Variants in TMEM128 observed in about 807,000 individuals in gnomAD.
TMEM128 encodes the protein transmembrane protein 128.
TMEM128 carries 16 observed loss-of-function variants against 19.7 expected under a neutral mutation model. The observed-to-expected ratio is 0.81, with a 90% confidence interval of 0.55 to 1.23. The LOEUF (loss-of-function observed/expected upper bound fraction) is 1.23. Ranked by LOEUF, TMEM128 falls within the 50% of genes most tolerant of loss-of-function variation. The probability of loss-of-function intolerance (pLI) is 0.00; values close to 1 mark genes in which losing one functional copy is unlikely to be tolerated. For synonymous variants in TMEM128, 98 were observed against 75.8 expected (o/e 1.29, Z -1.52); for missense variants, 237 against 200.8 (o/e 1.18, Z -1.09).
chr4:4,243,972 C>T (rs538156597), intron 2 of TMEM128, among the ~76,000 whole-genome samples: 1 of 152,284 alleles, frequency 6.6e-6, no homozygotes, highest in African/African-American at 2.4e-5. Context: ...ACTAGATATC[C>T]CTCCTAGATG....
intron 1 of TMEM128, 161 bp downstream of exon 1, chr4:4,247,945 T>C (rs895689154): frequency 1.4e-6 from 2 of 1,433,606 alleles, no homozygotes; most frequent in South Asian, 3.0e-5. Flanking sequence ...GAAATGACGA[T>C]GCACAGCACT....
chr4:4,238,297 A>C (rs1717806853), intron 3 of TMEM128, among the ~76,000 whole-genome samples: 1 of 152,236 alleles, frequency 6.6e-6, no homozygotes. Context: ...GGTAAAAAAG[A>C]CCAAAATATT....
At chr4:4,247,539 C>G in intron 1 of TMEM128, 1 of 1,612,642 alleles carries the variant, frequency 6.2e-7, no homozygotes, top group Non-Finnish European at 8.5e-7. Context: ...CCACCACTTA[C>G]AATTTCTACT....
At chr4:4,247,935 G>C in intron 1 of TMEM128, 171 bp downstream of exon 1, 1 of 1,430,488 alleles carries the variant, frequency 7.0e-7, no homozygotes, top group Non-Finnish European at 9.1e-7. Flanking sequence ...AAGCGCAGCT[G>C]AAATGACGAT....
At chr4:4,242,404 C>A (rs1342596960) in intron 2 of TMEM128, among the ~76,000 whole-genome samples, 2 of 151,900 alleles carry the variant, frequency 1.3e-5, no homozygotes, top group African/African-American at 4.8e-5. Context: ...TTATCTAATT[C>A]CACATTCCAC....
intron 4 of TMEM128, among the ~76,000 whole-genome samples, chr4:4,236,732 T>G (rs1252348143): frequency 6.6e-6 from 1 of 152,246 alleles, no homozygotes; most frequent in Non-Finnish European, 1.5e-5. Context: ...AGTATGTCCA[T>G]TTCTTCTTTA....
rs1718264898 is a variant in TMEM128, at chr4:4,247,982, A to G, written c.97+124T>C. On this transcript the variant is annotated intron_variant, in intron 1 of 4. Transcript: ENST00000382753. ...CGCGATTCTAAGGATCTTCCCTGACATTAAATATTCGACTTGCAAAGCCGA... is the reference window on the plus strand; with the variant it reads ...CGCGATTCTAAGGATCTTCCCTGACGTTAAATATTCGACTTGCAAAGCCGA... 163 of 1,454,284 alleles carry G rather than the reference A, an allele frequency of 1.1e-4. 3 individuals carry two copies. The South Asian group carries it at 2.1e-3, about 19-fold the overall frequency. 90.1% of individuals were successfully genotyped at this position (1,454,284 alleles called of 1,614,324 possible). A position where few individuals can be genotyped will look rare whatever the true frequency, so the allele number is the denominator to read the frequency against.
At position 4,235,783 on chromosome 4, in the gene TMEM128, A is replaced by T. The variant is rs547241845; in HGVS notation, c.*483T>A. ...ACATGACAACATAATTCCTTTATAC[A>T]CATCCAGTCATTTTATACAAGGAAC... is the stretch of plus-strand genomic sequence containing the variant. On this transcript the variant is annotated 3_prime_UTR_variant, in exon 5 of 5. Coordinates refer to ENST00000382753, the MANE Select transcript of TMEM128 (RefSeq NM_001297551.2). 33 of 152,690 alleles carry T rather than the reference A, an allele frequency of 2.2e-4. No individual in the cohort carries two copies. The highest frequency in any genetic ancestry group is 5.2e-4 in the Admixed American group (8 of 15,282). 9.5% of individuals were successfully genotyped at this position (152,690 alleles called of 1,614,324 possible).
chr4:4,239,539 T>C (rs1717859786), intron 3 of TMEM128, among the ~76,000 whole-genome samples: 1 of 152,220 alleles, frequency 6.6e-6, no homozygotes, highest in African/African-American at 2.4e-5. Context: ...GGTACATATA[T>C]ATACATATAT....
At chr4:4,244,800 T>A (rs1351431564) in intron 2 of TMEM128, among the ~76,000 whole-genome samples, 1 of 152,082 alleles carries the variant, frequency 6.6e-6, no homozygotes, top group Admixed American at 6.6e-5. Context: ...CAGAAGAAGG[T>A]GCTGAGCTAC....
At chr4:4,247,675 C>A (rs1239291653) in intron 1 of TMEM128, 3 of 1,613,890 alleles carry the variant, frequency 1.9e-6, no homozygotes, top group Middle Eastern at 1.7e-4. Flanking sequence ...TTGGTACATA[C>A]GAGTCGACCT....
intron 2 of TMEM128, among the ~76,000 whole-genome samples, chr4:4,243,108 C>T (rs1212431339): frequency 6.6e-6 from 1 of 152,016 alleles, no homozygotes; most frequent in African/African-American, 2.4e-5. Context: ...AAGACGGAGT[C>T]TCGCTCTGTC....
chr4:4,246,217 T>C lies in TMEM128; in HGVS notation c.224A>G (p.Asn75Ser). The stretch of plus-strand genomic sequence containing the variant: ...ATTTTCTTACCTGCTAGTGTGGAAG[T>C]TTTCTTTAAGGGTTTTAAAGAAGTC... ...YVDFFKTLKE[N>S]FHTSSWFLCG... Residue 75 changes from asparagine (N) to serine (S), a missense_variant, in exon 2 of 5, where the codon AAC becomes AGC. Transcript: ENST00000382753. 1 of 1,597,906 alleles carries C rather than the reference T, an allele frequency of 6.3e-7. No homozygotes were observed. The highest frequency in any genetic ancestry group is 1.2e-5 in the South Asian group (1 of 86,692).
chr4:4,245,811 T>A (rs1246765229), intron 2 of TMEM128, among the ~76,000 whole-genome samples: 26 of 152,164 alleles, frequency 1.7e-4, no homozygotes, highest in Non-Finnish European at 1.5e-5. Flanking sequence ...AATATATATA[T>A]ACGTGTATAC....
At chr4:4,243,022 C>T (rs1437290044) in intron 2 of TMEM128, among the ~76,000 whole-genome samples, 13 of 152,004 alleles carry the variant, frequency 8.6e-5, no homozygotes, top group Admixed American at 7.9e-4. Flanking sequence ...GCACACAAGC[C>T]GAGTATTTTA....
At chr4:4,243,172 T>C (rs1718030411) in intron 2 of TMEM128, among the ~76,000 whole-genome samples, 1 of 152,124 alleles carries the variant, frequency 6.6e-6, no homozygotes, top group Admixed American at 6.5e-5. Context: ...CTCCACCTGC[T>C]GGGTTCACGC....
chr4:4,247,309 G>A (rs1429901705), intron 1 of TMEM128, among the ~76,000 whole-genome samples: 3 of 152,118 alleles, frequency 2.0e-5, no homozygotes, highest in African/African-American at 7.2e-5. Flanking sequence ...CTGAGGTTTT[G>A]GGCCTTTAGA....
rs760115356 is a variant in TMEM128, at chr4:4,246,318, C to G, written c.123G>C (p.Lys41Asn). The change falls in exon 2 of 5, where the codon AAG (lysine) becomes AAC (asparagine). Residue 41 changes from lysine (K) to asparagine (N), a missense_variant. Coordinates refer to ENST00000382753, the MANE Select transcript of TMEM128 (RefSeq NM_001297551.2). ...TATTAAGTCTTGGAAGAGGTTTCTC[C>G]TTTTTCTCAACAGCTGTGGAGGTTT... ...GPETSTAVEK[K>N]EKPLPRLNIH... The G allele has an allele frequency of 6.2e-7, 1 of 1,610,222 alleles. No individual in the cohort carries two copies. The highest frequency in any genetic ancestry group is 8.5e-7 in the Non-Finnish European group (1 of 1,179,010).
Position 4,240,692 on chromosome 4 carries a change from T to A in TMEM128, c.240-213A>T, listed in dbSNP as rs540059888. On this transcript the variant is annotated intron_variant, in intron 2 of 4. Transcript: ENST00000382753. ...ACACAACTCAGGAAAGAATGAAAAGTAAGACTTGAAATACATGCATTTATA... is the reference window on the plus strand; with the variant it reads ...ACACAACTCAGGAAAGAATGAAAAGAAAGACTTGAAATACATGCATTTATA... Among the ~76,000 whole-genome samples the A allele has an allele frequency of 2.0e-5, 3 of 152,318 alleles. No individual in the cohort carries two copies. In the South Asian group the frequency reaches 6.2e-4, roughly 32 times the overall value.
Sources: gnomAD v4.1 joint callset for allele counts (sites outside exome capture counted in the v4.1 genomes callset) on GRCh38, gnomAD v4.1.1 for gene constraint, MANE v1.5 for transcripts, NCBI Gene and HGNC (gene_info 2026-07-23, HGNC 2026-07-21) for gene names.